The following MYRIP variants were observed in gnomAD, a reference collection of about 807,000 sequenced individuals.
The protein encoded by MYRIP is myosin VIIA and Rab interacting protein.
Under a neutral mutation model 98.0 loss-of-function variants are expected in MYRIP, and 49 were observed. That is an observed-to-expected ratio of 0.50 (90% CI 0.40 to 0.63). The LOEUF (loss-of-function observed/expected upper bound fraction) is 0.63. Among genes scored for constraint, MYRIP ranks in the 30% least tolerant of loss-of-function variants. The probability of loss-of-function intolerance (pLI) is 0.00; values close to 1 mark genes in which losing one functional copy is unlikely to be tolerated. For synonymous variants in MYRIP, 404 were observed against 409.5 expected (o/e 0.99, Z 0.16); for missense variants, 1,004 against 1,058.2 (o/e 0.95, Z 0.71).
chr3:40,251,502 G>C (rs184081194), intron 15 of MYRIP, among the ~76,000 whole-genome samples: 2 of 152,272 alleles, frequency 1.3e-5, no homozygotes, highest in Admixed American at 1.3e-4. Flanking sequence ...TGCACTCCAT[G>C]AGATGGACAA....
intron 2 of MYRIP, among the ~76,000 whole-genome samples, chr3:40,041,022 G>GAAAAAA: frequency 2.4e-4 from 10 of 41,196 alleles, no homozygotes; most frequent in South Asian, 1.1e-3. Flanking sequence ...ATTACCAGCA[G>GAAAAAA]AAAAAAAAAA....
At chr3:39,832,975 G>A (rs1941498049) in intron 1 of MYRIP, among the ~76,000 whole-genome samples, 1 of 152,118 alleles carries the variant, frequency 6.6e-6, no homozygotes, top group African/African-American at 2.4e-5. Flanking sequence ...GCACCAAATT[G>A]GAATCAACCC....
Position 39,980,021 on chromosome 3 carries a change from A to G in MYRIP, c.111-64029A>G, listed in dbSNP as rs541091900. On this transcript the variant is annotated intron_variant, in intron 2 of 16. Coordinates refer to ENST00000302541, the MANE Select transcript of MYRIP (RefSeq NM_015460.4). ...TGGGGAGGCAGAAATTAGTCAAAGA[A>G]TCACAGAAATCAGTGTCAAATTAAC... Among the ~76,000 whole-genome samples the G allele has an allele frequency of 6.6e-4, 100 of 152,342 alleles. 1 individual carries two copies. Among genetic ancestry groups the G allele is most frequent in the Admixed American group, 9.8e-4 (15 of 15,298 alleles).
chr3:40,026,725 CACTGAA>C (rs1479718997), intron 2 of MYRIP, among the ~76,000 whole-genome samples: 3 of 152,150 alleles, frequency 2.0e-5, no homozygotes, highest in Admixed American at 6.5e-5. Context: ...TAGCTTCCAC[CACTGAA>C]ATTGCCTTTC....
chr3:40,245,664 A>C (rs1372201419), intron 13 of MYRIP, among the ~76,000 whole-genome samples: 1 of 149,992 alleles, frequency 6.7e-6, no homozygotes, highest in Non-Finnish European at 1.5e-5. Flanking sequence ...AAAAAAAAAA[A>C]AAAAAAGGGC....
intron 2 of MYRIP, among the ~76,000 whole-genome samples, chr3:39,989,902 G>A (rs1266239868): frequency 6.6e-6 from 1 of 152,228 alleles, no homozygotes; most frequent in Non-Finnish European, 1.5e-5. Flanking sequence ...AGAGATGGCT[G>A]CTGCCCTTCA....
intron 2 of MYRIP, among the ~76,000 whole-genome samples, chr3:39,933,933 G>A (rs1385368300): frequency 6.6e-6 from 1 of 152,158 alleles, no homozygotes; most frequent in Non-Finnish European, 1.5e-5. Context: ...TTACCTCAGT[G>A]GTTCTTAAAG....
At chr3:40,119,612 T>G (rs1392880201) in intron 3 of MYRIP, among the ~76,000 whole-genome samples, 2 of 152,194 alleles carry the variant, frequency 1.3e-5, no homozygotes, top group Non-Finnish European at 2.9e-5. Flanking sequence ...GTTCATGTCC[T>G]TTGTAGGGAC....
intron 2 of MYRIP, among the ~76,000 whole-genome samples, chr3:39,922,006 A>G (rs1266857824): frequency 6.6e-6 from 1 of 151,982 alleles, no homozygotes; most frequent in East Asian, 1.9e-4. Context: ...GGCTCACCAT[A>G]TCTAAGACAA....
chr3:40,199,226 C>T (rs1951485085), intron 10 of MYRIP, among the ~76,000 whole-genome samples: 1 of 152,202 alleles, frequency 6.6e-6, no homozygotes, highest in South Asian at 2.1e-4. Context: ...ACCACAGCAG[C>T]CCCTGCTCTA....
intron 2 of MYRIP, among the ~76,000 whole-genome samples, chr3:39,959,958 A>G (rs1945280709): frequency 6.6e-6 from 1 of 152,008 alleles, no homozygotes; most frequent in African/African-American, 2.4e-5. Flanking sequence ...GATATGAGGT[A>G]CAAAACAGGT....
At chr3:39,995,023 CA>C (rs1415763863) in intron 2 of MYRIP, among the ~76,000 whole-genome samples, 32 of 152,212 alleles carry the variant, frequency 2.1e-4, no homozygotes, top group Middle Eastern at 6.8e-3. Flanking sequence ...ACATCCACAC[CA>C]AAACCCCATC....
intron 2 of MYRIP, among the ~76,000 whole-genome samples, chr3:39,955,822 G>A (rs1014401576): frequency 2.0e-5 from 3 of 152,108 alleles, no homozygotes; most frequent in Admixed American, 1.3e-4. Flanking sequence ...AAAATAAAGG[G>A]ATGGAGGAAG....
intron 2 of MYRIP, among the ~76,000 whole-genome samples, chr3:39,926,839 G>T (rs1944430226): frequency 6.6e-6 from 1 of 152,102 alleles, no homozygotes; most frequent in Non-Finnish European, 1.5e-5. Context: ...AATAATTTTA[G>T]AATACTTTTT....
chr3:40,087,658 A>G (rs1948655777), intron 3 of MYRIP, among the ~76,000 whole-genome samples: 1 of 152,210 alleles, frequency 6.6e-6, no homozygotes, highest in African/African-American at 2.4e-5. Flanking sequence ...TCCACTATGT[A>G]AATACTACTA....
chr3:39,926,653 G>A (rs889790239), intron 2 of MYRIP, among the ~76,000 whole-genome samples: 1 of 151,948 alleles, frequency 6.6e-6, no homozygotes, highest in Non-Finnish European at 1.5e-5. Flanking sequence ...TAGGTGTGAG[G>A]CTCTATGTCT....
chr3:39,921,007 T>G (rs143994770), intron 2 of MYRIP, among the ~76,000 whole-genome samples: 17 of 152,348 alleles, frequency 1.1e-4, no homozygotes, highest in East Asian at 7.7e-4. Flanking sequence ...TTGCCATTTT[T>G]GGGAATGACA....
chr3:40,130,287 AATG>A (rs990390159), intron 3 of MYRIP, among the ~76,000 whole-genome samples: 3 of 152,190 alleles, frequency 2.0e-5, no homozygotes, highest in African/African-American at 7.2e-5. Context: ...AAATAATGAT[AATG>A]ATCATTTATA....
At position 40,233,939 on chromosome 3, in the gene MYRIP, A is replaced by T; in HGVS notation, c.1986A>T (p.Gly662=). The change falls in exon 12 of 17, where the codon GGA becomes GGT. Residue 662 remains glycine, a synonymous_variant. Coordinates refer to ENST00000302541, the MANE Select transcript of MYRIP (RefSeq NM_015460.4). Reference sequence around the variant, plus strand: ...ATGCCACAGAGGAGTTGATAGCAGGATCTACAGGGCCCTGGGAGTCCCCAC... The same window carrying T: ...ATGCCACAGAGGAGTTGATAGCAGGTTCTACAGGGCCCTGGGAGTCCCCAC... The part of the protein sequence containing the change: ...VINATEELIA[G]STGPWESPQV... 1 of 1,613,996 alleles carries T rather than the reference A, an allele frequency of 6.2e-7. No homozygotes were observed. Among genetic ancestry groups the T allele is most frequent in the Non-Finnish European group, 8.5e-7 (1 of 1,179,964 alleles).
Sources: allele counts gnomAD v4.1 joint callset (sites outside exome capture counted in the v4.1 genomes callset), GRCh38; gene constraint gnomAD v4.1.1; transcripts MANE v1.5; gene names NCBI Gene and HGNC (gene_info 2026-07-23, HGNC 2026-07-21).